The following EIPR1 variants were observed in gnomAD, a reference collection of about 807,000 sequenced individuals.
EIPR1 encodes the protein EARP and GARP complex-interacting protein 1.
Under a neutral mutation model 48.1 loss-of-function variants are expected in EIPR1, and 25 were observed. The ratio of observed to expected loss-of-function variants is 0.52; its 90% CI spans 0.38 to 0.73. The LOEUF is 0.73. Ranked by LOEUF, EIPR1 falls within the 30% of genes least tolerant of loss-of-function variation. The probability of loss-of-function intolerance (pLI) is 0.00; values close to 1 mark genes in which losing one functional copy is unlikely to be tolerated. For synonymous variants in EIPR1, 204 were observed against 201.9 expected (o/e 1.01, Z -0.09); for missense variants, 415 against 506.2 (o/e 0.82, Z 1.73).
At chr2:3,354,951 G>T (rs1670685391) in intron 1 of EIPR1, among the ~76,000 whole-genome samples, 1 of 152,102 alleles carries the variant, frequency 6.6e-6, no homozygotes, top group Admixed American at 6.5e-5. Context: ...TAAAAGACTG[G>T]TTAAACAAAT....
intron 6 of EIPR1, among the ~76,000 whole-genome samples, chr2:3,196,013 T>G (rs548591734): frequency 6.6e-6 from 1 of 152,350 alleles, no homozygotes; most frequent in East Asian, 1.9e-4. Flanking sequence ...AAGGACACGA[T>G]GACCACAGGA....
chr2:3,273,915 T>C (rs1410663544), intron 3 of EIPR1, among the ~76,000 whole-genome samples: 4 of 151,984 alleles, frequency 2.6e-5, no homozygotes, highest in Non-Finnish European at 1.5e-5. Context: ...TTCGAAGAAA[T>C]AAAAGCTGGA....
chr2:3,203,130 A>G (rs887554662), intron 5 of EIPR1, among the ~76,000 whole-genome samples: 1 of 152,264 alleles, frequency 6.6e-6, no homozygotes, highest in South Asian at 2.1e-4. Flanking sequence ...GTAGATGTGA[A>G]TATCACCATT....
intron 4 of EIPR1, among the ~76,000 whole-genome samples, chr2:3,231,526 T>G (rs1201019033): frequency 6.6e-6 from 1 of 151,656 alleles, no homozygotes; most frequent in Non-Finnish European, 1.5e-5. Context: ...TATATCTAAT[T>G]TATTTAGAGT....
In EIPR1 at chr2:3,189,694, GCCCAGAAAC is replaced by G; in HGVS notation, c.990-195_990-187del. On this transcript the variant is annotated intron_variant, in intron 8 of 8. Transcript: ENST00000382125. This position sits in a 1 kb window ranked among gnomAD's most constrained non-coding sequence, Gnocchi z 4.6. ...GGACGGTGGGGTGGTCCCTGCAGAA[GCCCAGAAAC>G]CCTCACTGTCACTGTGAGGAGTGGG... is the stretch of plus-strand genomic sequence containing the variant. Among the ~76,000 whole-genome samples the G allele has an allele frequency of 6.6e-6, 1 of 152,154 alleles. No individual in the cohort carries two copies. Among genetic ancestry groups the G allele is most frequent in the African/African-American group, 2.4e-5 (1 of 41,430 alleles).
chr2:3,295,325 C>A, intron 3 of EIPR1, among the ~76,000 whole-genome samples: 1 of 132,604 alleles, frequency 7.5e-6, no homozygotes, highest in Non-Finnish European at 1.6e-5. Context: ...TCCAGCCCAT[C>A]CTCTCTACAC....
Position 3,274,431 on chromosome 2 carries a change from G to A in EIPR1, c.260-16976C>T. ...CACACAACAAAATGCTAGAAAAAAA[G>A]TCAGGGCAGAACTGTTCAGTCAGCT... is the stretch of plus-strand genomic sequence containing the variant. On this transcript the variant is annotated intron_variant, in intron 3 of 8. Coordinates refer to ENST00000382125, the MANE Select transcript of EIPR1 (RefSeq NM_003310.5). The A allele has an allele frequency of 2.6e-6, 4 of 1,550,420 alleles. No individual in the cohort carries two copies. The South Asian group carries it at 3.6e-5, about 14-fold the overall frequency.
intron 4 of EIPR1, among the ~76,000 whole-genome samples, chr2:3,224,739 C>T (rs1333366312): frequency 2.0e-5 from 3 of 152,250 alleles, no homozygotes; most frequent in African/African-American, 7.2e-5. Context: ...CCCTCAGTAA[C>T]AGCACTGCAC....
intron 3 of EIPR1, among the ~76,000 whole-genome samples, chr2:3,268,705 G>A (rs1667571448): frequency 6.6e-6 from 1 of 152,158 alleles, no homozygotes; most frequent in African/African-American, 2.4e-5. Context: ...CTGTTGACCA[G>A]GAAGCTTTGG....
intron 4 of EIPR1, among the ~76,000 whole-genome samples, chr2:3,248,739 C>A (rs1257482349): frequency 3.3e-5 from 5 of 152,194 alleles, no homozygotes; most frequent in African/African-American, 1.2e-4. Context: ...CCATGACACT[C>A]CAGACTGGGC....
At chr2:3,307,916 T>C (rs189547287) in intron 3 of EIPR1, among the ~76,000 whole-genome samples, 4 of 152,292 alleles carry the variant, frequency 2.6e-5, no homozygotes, top group South Asian at 2.1e-4. Context: ...TCATGACCCA[T>C]TGTATACATG....
At chr2:3,325,434 A>C (rs1311756625) in intron 3 of EIPR1, among the ~76,000 whole-genome samples, 1 of 152,212 alleles carries the variant, frequency 6.6e-6, no homozygotes, top group Non-Finnish European at 1.5e-5. Context: ...TTGGCAAAGG[A>C]AAGTCAAGAC....
chr2:3,295,466 C>T (rs1668535374), intron 3 of EIPR1, among the ~76,000 whole-genome samples: 2 of 109,874 alleles, frequency 1.8e-5, no homozygotes, highest in Admixed American at 9.4e-5. Context: ...CATCCTCTCT[C>T]TACACACCCT....
chr2:3,367,083 G>A (rs372911605), intron 1 of EIPR1, among the ~76,000 whole-genome samples: 1 of 141,508 alleles, frequency 7.1e-6, no homozygotes, highest in African/African-American at 2.6e-5. Context: ...AAAAATAAAC[G>A]AAAATAAATT....
At position 3,189,242 on chromosome 2, in the gene EIPR1, G is replaced by C; in HGVS notation, c.*92C>G. ...GCTCTCCCAGAGAGGGATCCACCTG[G>C]AACACGAGTCACCTCCAAAGAGCTG... On this transcript the variant is annotated 3_prime_UTR_variant, in exon 9 of 9. Transcript: ENST00000382125. This position sits in a 1 kb window ranked among gnomAD's most constrained non-coding sequence, Gnocchi z 4.6. 1 of 1,328,514 alleles carries C rather than the reference G, an allele frequency of 7.5e-7. No individual in the cohort carries two copies. Among genetic ancestry groups the C allele is most frequent in the Admixed American group, 2.8e-5 (1 of 35,882 alleles). 82.3% of individuals were successfully genotyped at this position (1,328,514 alleles called of 1,614,324 possible). A position where few individuals can be genotyped will look rare whatever the true frequency, so the allele number is the denominator to read the frequency against.
intron 3 of EIPR1, among the ~76,000 whole-genome samples, chr2:3,287,263 A>C: frequency 6.7e-6 from 1 of 150,304 alleles, no homozygotes. Flanking sequence ...ACACTCCAGA[A>C]AGCTCATTCA....
chr2:3,354,554 T>C lies in EIPR1; in HGVS notation c.122A>G (p.Asn41Ser). ...ACATTTGTCAAAAATAGTTACCTGA[T>C]TATCATATTTAAGAGACTGCGTCCC... is the stretch of plus-strand genomic sequence containing the variant. ...LVGTQSLKYDNQIHIIDFDDE... is the reference protein window; with the variant it reads ...LVGTQSLKYDSQIHIIDFDDE... The change falls in exon 2 of 9, where the codon AAT becomes AGT. Residue 41 changes from asparagine to serine, a missense_variant. Physicochemically the swap from Asn to Ser is conservative, Grantham distance 46. Transcript: ENST00000382125. 6.2e-7 allele frequency: 1 copy of C among 1,613,836 alleles called. No individual in the cohort carries two copies. Among genetic ancestry groups the C allele is most frequent in the Non-Finnish European group, 8.5e-7 (1 of 1,179,766 alleles).
At position 3,302,681 on chromosome 2, in the gene EIPR1, G is replaced by A. The variant is rs572923610; in HGVS notation, c.259+35336C>T. On this transcript the variant is annotated intron_variant, in intron 3 of 8. Transcript: ENST00000382125. ...ATTGCCAGAAGCCCAGGCCCGCTGCGGATCCACAGCCCTCCCTGCATCCTG... is the reference window on the plus strand; with the variant it reads ...ATTGCCAGAAGCCCAGGCCCGCTGCAGATCCACAGCCCTCCCTGCATCCTG... Among the ~76,000 whole-genome samples, 66 of 152,346 alleles carry A rather than the reference G, an allele frequency of 4.3e-4. 1 individual carries two copies. The highest frequency in any genetic ancestry group is 7.9e-4 in the Non-Finnish European group (54 of 68,040).
intron 1 of EIPR1, among the ~76,000 whole-genome samples, chr2:3,362,286 C>T (rs1670869745): frequency 6.6e-6 from 1 of 152,162 alleles, no homozygotes; most frequent in African/African-American, 2.4e-5. Context: ...GTGCCCCTCC[C>T]TCCAGCCTGC....
Sources: gnomAD v4.1 joint callset for allele counts (sites outside exome capture counted in the v4.1 genomes callset) on GRCh38, gnomAD v4.1.1 for gene constraint, Gnocchi (gnomAD v3.1) non-coding constraint, MANE v1.5 for transcripts, NCBI Gene and HGNC (gene_info 2026-07-23, HGNC 2026-07-21) for gene names.